Variants in PHC1 observed in about 807,000 individuals in gnomAD.
PHC1 encodes the protein polyhomeotic-like protein 1.
A neutral mutation model predicts 104.3 loss-of-function variants in PHC1; 12 were observed. The observed-to-expected ratio is 0.12, with a 90% CI of 0.07 to 0.19. The LOEUF is 0.19. Ranked by LOEUF, PHC1 falls within the 10% of genes least tolerant of loss-of-function variation. The pLI is 1.00. For synonymous variants in PHC1, 302 were observed against 455.8 expected (o/e 0.66, Z 4.30); for missense variants, 671 against 1,200.0 (o/e 0.56, Z 6.51).
Position 8,930,542 on chromosome 12 carries a change from C to A in PHC1, c.720C>A (p.Leu240=). 6.4e-7 allele frequency: 1 copy of A among 1,563,324 alleles called. No homozygotes were observed. Among genetic ancestry groups the A allele is most frequent in the East Asian group, 2.4e-5 (1 of 41,904 alleles). ...CAGGAGCCTCCCCTGTCTCTAGCCTCTCCCAGGCCTCTAGCCAGGCCCTAG... is the reference window on the plus strand; with the variant it reads ...CAGGAGCCTCCCCTGTCTCTAGCCTATCCCAGGCCTCTAGCCAGGCCCTAG... The part of the protein sequence containing the change: ...IPPGASPVSS[L]SQASSQALAV... Residue 240 remains leucine, a synonymous_variant, in exon 7 of 15, where the codon CTC becomes CTA. Transcript: ENST00000544916.
intron 6 of PHC1, among the ~76,000 whole-genome samples, chr12:8,924,734 A>G (rs1805738): frequency 0.21 from 31,680 of 152,126 alleles, 3,650 homozygotes; most frequent in Admixed American, 0.29. Flanking sequence ...AACAGGCATG[A>G]TGATAGAAGA....
Position 8,930,569 on chromosome 12 carries a change from G to T in PHC1, c.747G>T (p.Ala249=). ...CCCAGGCCTCTAGCCAGGCCCTAGCGGTGGCACAGGCTTCCTCTGGGGCCA... is the reference window on the plus strand; with the variant it reads ...CCCAGGCCTCTAGCCAGGCCCTAGCTGTGGCACAGGCTTCCTCTGGGGCCA... ...SLSQASSQAL[A]VAQASSGATN... is the part of the protein sequence containing the mutation. The change falls in exon 7 of 15, where the codon GCG becomes GCT. Residue 249 remains alanine (A), a synonymous_variant. Coordinates refer to ENST00000544916, the MANE Select transcript of PHC1 (RefSeq NM_004426.3). The T allele has an allele frequency of 1.3e-6, 2 of 1,568,800 alleles. No homozygotes were observed. Among genetic ancestry groups the T allele is most frequent in the South Asian group, 1.2e-5 (1 of 86,018 alleles).
At chr12:8,923,696 G>A (rs1945429847) in intron 6 of PHC1, among the ~76,000 whole-genome samples, 1 of 151,988 alleles carries the variant, frequency 6.6e-6, no homozygotes, top group Admixed American at 6.6e-5. Context: ...CAGGCGTGGT[G>A]GTGGGTGCTT....
At position 8,919,951 on chromosome 12, in the gene PHC1, C is replaced by T; in HGVS notation, c.225+85C>T. On this transcript the variant is annotated intron_variant, in intron 3 of 14. Transcript: ENST00000544916. The surrounding 1 kb of genome is among the most constrained non-coding windows in gnomAD (Gnocchi z 4.9). ...GGGAGATTTTTTGGGCATATAGCAT[C>T]CTATACTAAGCCAGGCTGCAGACAG... 6.5e-7 allele frequency: 1 copy of T among 1,547,254 alleles called. No individual in the cohort carries two copies. The highest frequency in any genetic ancestry group is 8.7e-7 in the Non-Finnish European group (1 of 1,143,272).
chr12:8,936,577 A>G (rs764492158), intron 11 of PHC1, among the ~76,000 whole-genome samples: 21 of 152,316 alleles, frequency 1.4e-4, no homozygotes, highest in Admixed American at 1.3e-3. Flanking sequence ...AAATTGAATC[A>G]TATCTGAAAT....
intron 6 of PHC1, among the ~76,000 whole-genome samples, chr12:8,926,640 T>A (rs1945519997): frequency 6.6e-6 from 1 of 150,448 alleles, no homozygotes; most frequent in Non-Finnish European, 1.5e-5. Context: ...GCCAGCGCTG[T>A]GGCTCATGCC....
chr12:8,931,012 C>T lies in PHC1; in HGVS notation c.1105+85C>T, dbSNP rs1025454582. On this transcript the variant is annotated intron_variant, in intron 7 of 14. Coordinates refer to ENST00000544916, the MANE Select transcript of PHC1 (RefSeq NM_004426.3). ...TTCTTTTTTTGCCTTTTTTTCTTTG[C>T]CTTTTTGTTTTTTCCCCGCTTCTGT... 3 of 1,425,244 alleles carry T rather than the reference C, an allele frequency of 2.1e-6. No homozygotes were observed. The East Asian group carries it at 7.1e-5, about 34-fold the overall frequency. 88.3% of individuals were successfully genotyped at this position (1,425,244 alleles called of 1,614,324 possible). A position where few individuals can be genotyped will look rare whatever the true frequency, so the allele number is the denominator to read the frequency against.
At position 8,933,310 on chromosome 12, in the gene PHC1, A is replaced by G; in HGVS notation, c.1853A>G (p.Gln618Arg). ...GATTSSPVVA[Q>R]VPAAFYMQSV... ...ACCACCTCCTCACCTGTTGTAGCCCAGGTCCCTGCTGCCTTCTATATGCAG... is the reference window on the plus strand; with the variant it reads ...ACCACCTCCTCACCTGTTGTAGCCCGGGTCCCTGCTGCCTTCTATATGCAG... The change falls in exon 8 of 15, where the codon CAG becomes CGG. Residue 618 changes from glutamine (Q) to arginine (R), a missense_variant. Physicochemically the swap from Gln to Arg is conservative, Grantham distance 43. This residue lies in a region of PHC1 where 95 missense variants were observed against 108.8 expected (regional missense o/e 0.87). Coordinates refer to ENST00000544916, the MANE Select transcript of PHC1 (RefSeq NM_004426.3). 1.3e-6 allele frequency: 2 copies of G among 1,504,682 alleles called. No individual in the cohort carries two copies. Among genetic ancestry groups the G allele is most frequent in the Non-Finnish European group, 1.8e-6 (2 of 1,122,178 alleles). 93.2% of individuals were successfully genotyped at this position (1,504,682 alleles called of 1,614,324 possible). A position where few individuals can be genotyped will look rare whatever the true frequency, so the allele number is the denominator to read the frequency against.
rs1160969540 is a variant in PHC1 at position 8,938,008 on chromosome 12, T to C, written c.2808T>C (p.Asn936=). The change falls in exon 14 of 15, where the codon AAT becomes AAC. Residue 936 remains asparagine (N), a synonymous_variant. Transcript: ENST00000544916. ...TCAACCCTGTGTTCCTGTCCAGTAA[T>C]CCCAGCCGTTGGAGTGTAGAGGAGG... ...HGINPVFLSS[N]PSRWSVEEVY... is the part of the protein sequence containing the mutation. 6.2e-7 allele frequency: 1 copy of C among 1,609,324 alleles called. No individual in the cohort carries two copies. The highest frequency in any genetic ancestry group is 2.2e-5 in the East Asian group (1 of 44,818).
chr12:8,934,498 G>T lies in PHC1; in HGVS notation c.2253+20G>T, dbSNP rs1945779819. On this transcript the variant is annotated intron_variant, in intron 10 of 14. Coordinates refer to ENST00000544916, the MANE Select transcript of PHC1 (RefSeq NM_004426.3). ...TTCCCGGTGAGGGCAGGGCCATAAGGTGGGACTTTGAAGTGGGGACTTGGT... is the reference window on the plus strand; with the variant it reads ...TTCCCGGTGAGGGCAGGGCCATAAGTTGGGACTTTGAAGTGGGGACTTGGT... 1 of 1,591,534 alleles carries T rather than the reference G, an allele frequency of 6.3e-7. No homozygotes were observed. The highest frequency in any genetic ancestry group is 8.6e-7 in the Non-Finnish European group (1 of 1,164,902).
At chr12:8,927,456 G>C (rs1246425451) in intron 6 of PHC1, among the ~76,000 whole-genome samples, 2 of 152,094 alleles carry the variant, frequency 1.3e-5, no homozygotes, top group Non-Finnish European at 2.9e-5. Context: ...GGCAGGAGGA[G>C]GTGGAATATA....
chr12:8,931,462 AG>A (rs1380577038), intron 7 of PHC1, among the ~76,000 whole-genome samples: 7 of 152,214 alleles, frequency 4.6e-5, no homozygotes, highest in Admixed American at 3.9e-4. Context: ...GCACTTTGGA[AG>A]GCCAAGGCAG....
chr12:8,934,072 G>A, intron 9 of PHC1, 60 bp downstream of exon 9: 1 of 1,573,266 alleles, frequency 6.4e-7, no homozygotes, highest in Non-Finnish European at 8.7e-7. Context: ...TGTTCTGAGT[G>A]AGCTAAAAGA....
intron 3 of PHC1, 110 bp from the exon 4 acceptor site, chr12:8,920,875 G>T (rs1945342562): frequency 9.9e-6 from 7 of 709,188 alleles, no homozygotes; most frequent in Middle Eastern, 2.4e-4. Context: ...GAATCTCCCT[G>T]TTTATAATGT....
At chr12:8,916,235 GTGAT>G (rs751946165) in intron 1 of PHC1, among the ~76,000 whole-genome samples, 2 of 152,158 alleles carry the variant, frequency 1.3e-5, no homozygotes, top group Non-Finnish European at 2.9e-5. Flanking sequence ...GGATAATAGT[GTGAT>G]TGGATGATAC....
rs1397803670 is a variant in PHC1 at position 8,940,047 on chromosome 12, T to G, written c.*588T>G. ...CCAGTATAGAGACTTGGTTGGCATC[T>G]TCTGCTGCAGGGACTAAAAGTATTT... On this transcript the variant is annotated 3_prime_UTR_variant, in exon 15 of 15. Transcript: ENST00000544916. 2.7e-6 allele frequency: 1 copy of G among 367,446 alleles called. No individual in the cohort carries two copies. The highest frequency in any genetic ancestry group is 5.3e-6 in the Non-Finnish European group (1 of 187,896). 22.8% of individuals were successfully genotyped at this position (367,446 alleles called of 1,614,324 possible).
At chr12:8,917,518 A>AG (rs1252385752) in intron 1 of PHC1, 112 bp from the exon 2 acceptor site, 2 of 467,362 alleles carry the variant, frequency 4.3e-6, no homozygotes, top group Non-Finnish European at 7.6e-6. Flanking sequence ...GGCTTATGGA[A>AG]GAGGAGGAAG....
chr12:8,918,462 A>G (rs1488421575), intron 2 of PHC1, among the ~76,000 whole-genome samples: 1 of 152,126 alleles, frequency 6.6e-6, no homozygotes, highest in Non-Finnish European at 1.5e-5. Context: ...CTGTATACCT[A>G]AAATATACTT....
At chr12:8,914,996 C>T (rs1945158754) in intron 1 of PHC1, 169 bp downstream of exon 1, 1 of 153,280 alleles carries the variant, frequency 6.5e-6, no homozygotes, top group Non-Finnish European at 1.5e-5. Flanking sequence ...TCTGCCTGTC[C>T]GAGTCTTCTG....
Sources: gnomAD v4.1 joint callset for allele counts (sites outside exome capture counted in the v4.1 genomes callset) on GRCh38, gnomAD v4.1.1 for gene constraint, gnomAD v4.1.1 regional missense constraint, Gnocchi (gnomAD v3.1) non-coding constraint, MANE v1.5 for transcripts, NCBI Gene and HGNC (gene_info 2026-07-23, HGNC 2026-07-21) for gene names.